Variants in KHDC4 observed in about 807,000 individuals in gnomAD.
KHDC4 encodes the protein KH domain containing 4, pre-mRNA splicing factor, also known as KH homology domain-containing protein 4.
Under a neutral mutation model 74.5 loss-of-function variants are expected in KHDC4, and 19 were observed. The ratio of observed to expected loss-of-function variants is 0.26; its 90% CI spans 0.18 to 0.37. KHDC4 has a LOEUF of 0.37. Among genes scored for constraint, KHDC4 ranks in the 10% least tolerant of loss-of-function variants. KHDC4 has a pLI of 1.00. For synonymous variants in KHDC4, 253 were observed against 266.1 expected, an observed-to-expected ratio of 0.95 and a Z score of 0.48; for missense variants, 632 against 754.1, an observed-to-expected ratio of 0.84 and a Z score of 1.90.
chr1:155,928,172 GA>G (rs1323577334), intron 4 of KHDC4, among the ~76,000 whole-genome samples: 1 of 151,934 alleles, frequency 6.6e-6, no homozygotes, highest in Admixed American at 6.6e-5. Context: ...CAGGACTTTT[GA>G]GACCAGCCTG....
chr1:155,933,742 G>A lies in KHDC4; in HGVS notation c.146C>T (p.Thr49Ile), dbSNP rs1572016365. ...TSSGGSPGGTTAAPSGALDAA... is the reference protein window; with the variant it reads ...TSSGGSPGGTIAAPSGALDAA... ...ATCCAAGGCTCCTGAAGGAGCAGCT[G>A]TGGTGCCCCCAGGACTTCCCCCACT... Residue 49 changes from threonine (T) to isoleucine (I), a missense_variant, in exon 2 of 14, where the codon ACA (threonine) becomes ATA (isoleucine). By Grantham distance (89) the Thr-to-Ile change is moderately conservative. Coordinates refer to ENST00000368321, the MANE Select transcript of KHDC4 (RefSeq NM_014949.4). 3.1e-6 allele frequency: 5 copies of A among 1,607,880 alleles called. No homozygotes were observed. Among genetic ancestry groups the A allele is most frequent in the Non-Finnish European group, 4.2e-6 (5 of 1,176,552 alleles).
intron 7 of KHDC4, among the ~76,000 whole-genome samples, chr1:155,924,114 G>A (rs771717588): frequency 2.0e-5 from 3 of 152,030 alleles, no homozygotes; most frequent in South Asian, 2.1e-4. Flanking sequence ...TCAGGAGATC[G>A]AGACCATCCT....
In KHDC4 at chr1:155,921,932, G is replaced by A. The variant is rs199500519; in HGVS notation, c.955-14C>T. Reference sequence around the variant, plus strand: ...TTCAGCATGAACCTGAAAGAGAGGGGGAAACAAATTAACATGGGACAGCCG... The same window carrying A: ...TTCAGCATGAACCTGAAAGAGAGGGAGAAACAAATTAACATGGGACAGCCG... On this transcript the variant is annotated splice_polypyrimidine_tract_variant and intron_variant, in intron 8 of 13. Transcript: ENST00000368321. 1.3e-4 allele frequency: 198 copies of A among 1,583,156 alleles called. 2 individuals are homozygous for A. In the African/African-American group the frequency reaches 2.5e-3, roughly 20 times the overall value.
At chr1:155,927,813 A>G (rs1313489769) in intron 4 of KHDC4, among the ~76,000 whole-genome samples, 1 of 102,296 alleles carries the variant, frequency 9.8e-6, no homozygotes, top group Non-Finnish European at 1.9e-5. Flanking sequence ...CAAAAAAAAA[A>G]AAAAAAAAAA....
intron 10 of KHDC4, among the ~76,000 whole-genome samples, chr1:155,919,215 G>A (rs915241345): frequency 1.3e-5 from 2 of 150,496 alleles, no homozygotes; most frequent in Admixed American, 6.6e-5. Context: ...TGATCCACCC[G>A]CCCCAACCTC....
intron 10 of KHDC4, chr1:155,920,043 T>G (rs778217969): frequency 2.1e-5 from 11 of 512,058 alleles, no homozygotes; most frequent in Admixed American, 1.6e-4. Context: ...TCCATTACCA[T>G]GCTCTCATTA....
intron 8 of KHDC4, among the ~76,000 whole-genome samples, chr1:155,922,828 C>A (rs1673896122): frequency 6.6e-6 from 1 of 152,210 alleles, no homozygotes; most frequent in South Asian, 2.1e-4. Context: ...AACAAAAAAA[C>A]CAACCATGAG....
chr1:155,915,993 TCAGA>T (rs753794785), intron 12 of KHDC4, 29 bp from the exon 13 acceptor site: 1 of 1,417,206 alleles, frequency 7.1e-7, no homozygotes, highest in African/African-American at 1.5e-5. Flanking sequence ...AAACTTTCTT[TCAGA>T]CAATTTAAAT....
Position 155,915,947 on chromosome 1 carries a change from G to A in KHDC4, c.1571C>T (p.Pro524Leu). The A allele has an allele frequency of 6.3e-7, 1 of 1,590,148 alleles. No homozygotes were observed. Among genetic ancestry groups the A allele is most frequent in the Non-Finnish European group, 8.5e-7 (1 of 1,171,568 alleles). Residue 524 changes from proline to leucine, a missense_variant, in exon 13 of 14, where the codon CCA (proline) becomes CTA (leucine). By Grantham distance (98) the Pro-to-Leu change is moderately conservative (BLOSUM62 -3). Around this residue, in one of 4 missense-constraint regions of KHDC4, gnomAD observed 254 missense variants for 267.4 expected, o/e 0.95. Coordinates refer to ENST00000368321, the MANE Select transcript of KHDC4 (RefSeq NM_014949.4). ...TTTTATTCCAGTCACTGGAAAGGCT[G>A]GTGGAGGCATCAACTGCCTATTGAA... The part of the protein sequence containing the change: ...RERDRQLMPP[P>L]AFPVTGIKTE...
chr1:155,926,293 G>A (rs971204165), intron 6 of KHDC4, among the ~76,000 whole-genome samples: 2 of 143,082 alleles, frequency 1.4e-5, no homozygotes, highest in Non-Finnish European at 3.1e-5. Context: ...GGAATTTCAC[G>A]ATTTTTTTTT....
chr1:155,917,589 CT>C lies in KHDC4; in HGVS notation c.1349del (p.Gln450ArgfsTer37). ...PAGPQPQPQP[Q>X]PPLPSQPQAQ... ...CCTGGGGCTGACTTGGGAGTGGGGG[CT>C]GGGGCTGGGGCTGGGGCTGGGGGCC... is the stretch of plus-strand genomic sequence containing the variant. On this transcript the variant is annotated frameshift_variant, in exon 11 of 14. Transcript: ENST00000368321. LOFTEE classifies it high-confidence loss of function. The C allele has an allele frequency of 1.8e-6, 1 of 568,716 alleles. No individual in the cohort carries two copies. The allele number at this position is 568,716 out of a possible 1,614,324, so 35.2% of individuals were successfully genotyped here.
At chr1:155,921,293 T>G (rs1352820929) in intron 10 of KHDC4, 82 bp downstream of exon 10, 45 of 1,477,332 alleles carry the variant, frequency 3.0e-5, no homozygotes, top group Non-Finnish European at 3.9e-5. Context: ...ACATGATTTA[T>G]TTCTGGAATA....
At chr1:155,921,786 T>C in intron 9 of KHDC4, 75 bp downstream of exon 9, 1 of 1,428,334 alleles carries the variant, frequency 7.0e-7, no homozygotes, top group Non-Finnish European at 9.8e-7. Flanking sequence ...CCTGGCACAG[T>C]CTAGCCTCAA....
At chr1:155,916,792 T>A in intron 11 of KHDC4, 55 bp from the exon 12 acceptor site, 1 of 1,162,520 alleles carries the variant, frequency 8.6e-7, no homozygotes, top group Non-Finnish European at 1.3e-6. Flanking sequence ...CGTATTGACT[T>A]TAGCTCCTTA....
At chr1:155,918,975 T>G (rs1259316462) in intron 10 of KHDC4, among the ~76,000 whole-genome samples, 1 of 148,872 alleles carries the variant, frequency 6.7e-6, no homozygotes, top group South Asian at 2.2e-4. Context: ...CTCCCAGTTT[T>G]TTTTTTTTTT....
At chr1:155,934,305 C>A in intron 1 of KHDC4, 31 bp downstream of exon 1, 1 of 1,604,938 alleles carries the variant, frequency 6.2e-7, no homozygotes, top group East Asian at 2.2e-5. Context: ...CCCCAGTGCT[C>A]GCTCCGATGC....
chr1:155,920,911 T>C (rs115057094), intron 10 of KHDC4, among the ~76,000 whole-genome samples: 18 of 152,330 alleles, frequency 1.2e-4, no homozygotes, highest in African/African-American at 4.3e-4. Flanking sequence ...AAGGTAAGGT[T>C]AGGCAAACAA....
Position 155,926,662 on chromosome 1 carries a change from T to A in KHDC4, c.681+14A>T. On this transcript the variant is annotated intron_variant, in intron 6 of 13. Transcript: ENST00000368321. ...AAATGATAATGCTATTAACGATCCC[T>A]CCCCAAAACATACCCCTGACTGGAA... 1 of 1,613,344 alleles carries A rather than the reference T, an allele frequency of 6.2e-7. No homozygotes were observed. The highest frequency in any genetic ancestry group is 8.5e-7 in the Non-Finnish European group (1 of 1,179,350).
rs112789044 is a variant in KHDC4, at chr1:155,921,352, T to G, written c.1266+23A>C. ...GTTTTTCCTAAATTCAGTAATATGT[T>G]GTTGCATATCCTGACATCCTACCTG... On this transcript the variant is annotated intron_variant, in intron 10 of 13. Coordinates refer to ENST00000368321, the MANE Select transcript of KHDC4 (RefSeq NM_014949.4). 106 of 1,611,026 alleles carry G rather than the reference T, an allele frequency of 6.6e-5. No homozygotes were observed. The African/African-American group carries it at 9.6e-4, about 15-fold the overall frequency.
Sources: allele counts gnomAD v4.1 joint callset (sites outside exome capture counted in the v4.1 genomes callset), GRCh38; gene constraint gnomAD v4.1.1; regional missense constraint gnomAD v4.1.1; transcripts MANE v1.5; gene names NCBI Gene and HGNC (gene_info 2026-07-23, HGNC 2026-07-21).